The following EIF3J variants were observed in gnomAD, a reference collection of about 807,000 sequenced individuals.
The protein encoded by EIF3J is eukaryotic translation initiation factor 3 subunit J.
In EIF3J, 15 loss-of-function variants were observed where a neutral mutation model predicts 39.0. That is an observed-to-expected ratio of 0.38 (90% CI 0.26 to 0.59). EIF3J has a LOEUF of 0.59. Among genes scored for constraint, EIF3J ranks in the 20% least tolerant of loss-of-function variants. EIF3J has a pLI of 0.60. For synonymous variants in EIF3J, 98 were observed against 112.9 expected (o/e 0.87, Z 0.84); for missense variants, 226 against 308.6 (o/e 0.73, Z 2.00).
At chr15:44,547,440 CTTT>C (rs986408245) in intron 2 of EIF3J, among the ~76,000 whole-genome samples, 1 of 92,526 alleles carries the variant, frequency 1.1e-5, no homozygotes, top group Non-Finnish European at 2.0e-5. Flanking sequence ...GGCCTTGATT[CTTT>C]TTTTTTTTTT....
At chr15:44,551,087 C>T (rs1370085037) in intron 3 of EIF3J, among the ~76,000 whole-genome samples, 157 bp downstream of exon 3, 2 of 152,210 alleles carry the variant, frequency 1.3e-5, no homozygotes, top group Admixed American at 1.3e-4. Context: ...TTCCCTGCAA[C>T]TTTTCTCTAT....
At chr15:44,560,583 A>T in intron 7 of EIF3J, 1 of 418,666 alleles carries the variant, frequency 2.4e-6, no homozygotes, top group Non-Finnish European at 4.2e-6. Flanking sequence ...AGGTATAGGT[A>T]AATCAGCTTT....
chr15:44,557,745 A>G, intron 6 of EIF3J, 95 bp downstream of exon 6: 1 of 943,090 alleles, frequency 1.1e-6, no homozygotes, highest in Non-Finnish European at 1.5e-6. Flanking sequence ...CAAGGATACT[A>G]TAATACAGAC....
intron 2 of EIF3J, among the ~76,000 whole-genome samples, chr15:44,548,493 C>T (rs1186572739): frequency 6.6e-6 from 1 of 152,052 alleles, no homozygotes; most frequent in African/African-American, 2.4e-5. Flanking sequence ...GATCAAAAGC[C>T]CAGAAATAGA....
In EIF3J at chr15:44,560,290, G is replaced by C. The variant is rs768094523; in HGVS notation, c.613G>C (p.Val205Leu). ...GAAAAAAATTACCAATTCACTGACTGTGCTTTGCAGTGAAAAACAGAAGCA... is the reference window on the plus strand; with the variant it reads ...GAAAAAAATTACCAATTCACTGACTCTGCTTTGCAGTGAAAAACAGAAGCA... ...DLKKITNSLT[V>L]LCSEKQKQEK... is the part of the protein sequence containing the mutation. The change falls in exon 7 of 8, where the codon GTG becomes CTG. Residue 205 changes from valine to leucine, a missense_variant. Physicochemically the swap from Val to Leu is conservative, Grantham distance 32 (BLOSUM62 1). Around this residue, in one of 2 missense-constraint regions of EIF3J, gnomAD observed 83 missense variants for 152.6 expected, o/e 0.54. Transcript: ENST00000261868. The C allele has an allele frequency of 4.3e-6, 7 of 1,611,466 alleles. No homozygotes were observed. The highest frequency in any genetic ancestry group is 5.9e-6 in the Non-Finnish European group (7 of 1,179,298).
At chr15:44,547,594 G>A (rs896460403) in intron 2 of EIF3J, among the ~76,000 whole-genome samples, 2 of 151,816 alleles carry the variant, frequency 1.3e-5, no homozygotes, top group African/African-American at 4.8e-5. Context: ...GATTATAGGT[G>A]TCTGCCACCA....
chr15:44,551,098 C>T (rs187059913), intron 3 of EIF3J, among the ~76,000 whole-genome samples, 168 bp downstream of exon 3: 4 of 152,262 alleles, frequency 2.6e-5, no homozygotes, highest in Admixed American at 1.3e-4. Flanking sequence ...TTTTCTCTAT[C>T]GCCTCAAAAT....
intron 2 of EIF3J, among the ~76,000 whole-genome samples, chr15:44,540,350 C>T (rs777422487): frequency 1.0e-4 from 15 of 149,850 alleles, no homozygotes; most frequent in African/African-American, 2.5e-4. Context: ...GTGATCTTCC[C>T]GCCTCGGCCT....
chr15:44,538,249 G>T (rs923496608), intron 2 of EIF3J, among the ~76,000 whole-genome samples: 1 of 151,176 alleles, frequency 6.6e-6, no homozygotes, highest in Non-Finnish European at 1.5e-5. Context: ...AACTCCGAAG[G>T]GTTCATTATA....
At chr15:44,546,851 G>T (rs2082057475) in intron 2 of EIF3J, among the ~76,000 whole-genome samples, 1 of 105,358 alleles carries the variant, frequency 9.5e-6, no homozygotes, top group African/African-American at 3.9e-5. Context: ...TTTTGAGACA[G>T]AGTCTCTGTT....
intron 3 of EIF3J, among the ~76,000 whole-genome samples, 165 bp from the exon 4 acceptor site, chr15:44,551,262 TAGAG>T (rs1249078875): frequency 4.6e-5 from 7 of 152,080 alleles, no homozygotes; most frequent in Admixed American, 1.3e-4. Flanking sequence ...GGGGTCACAT[TAGAG>T]AGGAGAAGGA....
intron 4 of EIF3J, among the ~76,000 whole-genome samples, chr15:44,552,565 T>C (rs1020518935): frequency 2.0e-5 from 3 of 149,118 alleles, no homozygotes; most frequent in African/African-American, 7.7e-5. Context: ...TTCTTTTCTT[T>C]TCTTTTTTTT....
At chr15:44,554,015 C>G (rs2082123222) in intron 4 of EIF3J, among the ~76,000 whole-genome samples, 1 of 148,134 alleles carries the variant, frequency 6.8e-6, no homozygotes, top group South Asian at 2.1e-4. Context: ...CAGCTGTTAC[C>G]TTCTATTTAG....
chr15:44,550,239 A>G (rs909684996), intron 2 of EIF3J, among the ~76,000 whole-genome samples: 3 of 152,214 alleles, frequency 2.0e-5, no homozygotes, highest in Non-Finnish European at 2.9e-5. Context: ...TGATAAATGA[A>G]TTCAGTAAGG....
At chr15:44,544,977 C>T (rs1325937434) in intron 2 of EIF3J, among the ~76,000 whole-genome samples, 4 of 151,178 alleles carry the variant, frequency 2.6e-5, no homozygotes, top group African/African-American at 9.7e-5. Flanking sequence ...GCACTCCAGC[C>T]TGGCGACACA....
chr15:44,557,951 C>T lies in EIF3J; in HGVS notation c.571+301C>T, dbSNP rs145052752. ...GCCTATTCTTTTTATCTGATTATCA[C>T]TTGAGAGGGGCTGGGAAGTATCTTT... is the stretch of plus-strand genomic sequence containing the variant. On this transcript the variant is annotated intron_variant, in intron 6 of 7. Coordinates refer to ENST00000261868, the MANE Select transcript of EIF3J (RefSeq NM_003758.4). 145 of 173,710 alleles carry T rather than the reference C, an allele frequency of 8.3e-4. 4 individuals are homozygous for T. The East Asian group carries it at 0.021, about 25-fold the overall frequency. 10.8% of individuals were successfully genotyped at this position (173,710 alleles called of 1,614,324 possible). A position where few individuals can be genotyped will look rare whatever the true frequency, so the allele number is the denominator to read the frequency against.
intron 7 of EIF3J, chr15:44,560,660 G>GAGTAA (rs2082184354): frequency 2.9e-6 from 1 of 339,370 alleles, no homozygotes; most frequent in Non-Finnish European, 5.4e-6. Context: ...GTATTTATAA[G>GAGTAA]AGTAAAGTAA....
chr15:44,556,600 G>A lies in EIF3J; in HGVS notation c.410-889G>A, dbSNP rs1477306043. Among the ~76,000 whole-genome samples the A allele has an allele frequency of 2.6e-5, 4 of 152,062 alleles. No homozygotes were observed. The East Asian group carries it at 7.7e-4, about 29-fold the overall frequency. On this transcript the variant is annotated intron_variant, in intron 5 of 7. Transcript: ENST00000261868. ...CGGCTCATTGTAACCTCCGCCTCCT[G>A]GGTTGAAGTGATTCTCGTGCCTCAG...
At chr15:44,537,586 G>A (rs937624308) in intron 2 of EIF3J, among the ~76,000 whole-genome samples, 159 bp downstream of exon 2, 33 of 152,320 alleles carry the variant, frequency 2.2e-4, no homozygotes, top group African/African-American at 7.7e-4. Context: ...CCGGCCATGT[G>A]TGGGCCGAAG....
Sources: gnomAD v4.1 joint callset for allele counts (sites outside exome capture counted in the v4.1 genomes callset) on GRCh38, gnomAD v4.1.1 for gene constraint, gnomAD v4.1.1 regional missense constraint, MANE v1.5 for transcripts, NCBI Gene and HGNC (gene_info 2026-07-23, HGNC 2026-07-21) for gene names.